Variants in NALF1 observed in about 807,000 individuals in gnomAD.
NALF1 encodes the protein NALCN channel auxiliary factor 1.
In NALF1, 3 loss-of-function variants were observed where a neutral mutation model predicts 48.4. The ratio of observed to expected loss-of-function variants is 0.06; its 90% CI spans 0.03 to 0.16. The LOEUF (loss-of-function observed/expected upper bound fraction) is 0.16. Among genes scored for constraint, NALF1 ranks in the 10% least tolerant of loss-of-function variants. The pLI, the probability that NALF1 is intolerant of heterozygous loss-of-function variation, is 1.00. For synonymous variants in NALF1, 262 were observed against 245.7 expected (o/e 1.07, Z -0.62); for missense variants, 526 against 571.5 (o/e 0.92, Z 0.81).
intron 1 of NALF1, among the ~76,000 whole-genome samples, chr13:107,656,876 C>T (rs941398151): frequency 1.6e-4 from 25 of 152,214 alleles, no homozygotes; most frequent in African/African-American, 6.0e-4. Context: ...GAATCGGAGA[C>T]TACTATTCTA....
intron 1 of NALF1, among the ~76,000 whole-genome samples, chr13:107,780,475 G>A (rs1877856892): frequency 6.6e-6 from 1 of 151,802 alleles, no homozygotes; most frequent in Admixed American, 6.6e-5. Context: ...AGTACCCAAT[G>A]AGACAACGTA....
rs578025631 is a variant in NALF1, at chr13:107,846,130, T to C, written c.915+19552A>G. On this transcript the variant is annotated intron_variant, in intron 1 of 2. Transcript: ENST00000375915. ...ACATTCCAGGTCCCTCCCTGCTCCA[T>C]TGAACACAGGAGTGGTGACTTGACT... 3.9e-5 allele frequency among the ~76,000 whole-genome samples: 6 copies of C among 152,240 alleles called. No individual in the cohort carries two copies. In the South Asian group the frequency reaches 8.3e-4, roughly 21 times the overall value.
chr13:107,529,040 T>C (rs1231712622), intron 1 of NALF1, among the ~76,000 whole-genome samples: 1 of 152,130 alleles, frequency 6.6e-6, no homozygotes, highest in East Asian at 1.9e-4. Context: ...TTTTCTACAG[T>C]GTTACTCAGT....
chr13:107,179,288 G>A (rs1368287780), intron 2 of NALF1, among the ~76,000 whole-genome samples: 1 of 152,100 alleles, frequency 6.6e-6, no homozygotes, highest in Non-Finnish European at 1.5e-5. Context: ...GTATGTTCTC[G>A]CCTACTTGTG....
intron 1 of NALF1, among the ~76,000 whole-genome samples, chr13:107,321,952 A>T (rs1882263773): frequency 6.6e-6 from 1 of 152,110 alleles, no homozygotes; most frequent in South Asian, 2.1e-4. Context: ...CTATTAATGG[A>T]GCCTTAACCC....
chr13:107,315,882 T>C (rs1164940524), intron 1 of NALF1, among the ~76,000 whole-genome samples: 1 of 149,722 alleles, frequency 6.7e-6, no homozygotes, highest in African/African-American at 2.4e-5. Flanking sequence ...TCTTATTTTT[T>C]ATAGATATAT....
At chr13:107,327,396 A>T (rs1882384129) in intron 1 of NALF1, among the ~76,000 whole-genome samples, 1 of 152,204 alleles carries the variant, frequency 6.6e-6, no homozygotes, top group Non-Finnish European at 1.5e-5. Context: ...TTCAAGAGAG[A>T]TCATTTTATA....
chr13:107,808,161 G>A (rs955000646), intron 1 of NALF1, among the ~76,000 whole-genome samples: 12 of 152,174 alleles, frequency 7.9e-5, no homozygotes, highest in African/African-American at 2.6e-4. Context: ...TGCACTCACA[G>A]AAGTATATAT....
chr13:107,643,144 G>A (rs1007183377), intron 1 of NALF1, among the ~76,000 whole-genome samples: 14 of 152,124 alleles, frequency 9.2e-5, no homozygotes, highest in Admixed American at 2.0e-4. Flanking sequence ...GACAGAGTCC[G>A]CCATGGGTTA....
At chr13:107,678,193 A>G (rs4485215) in intron 1 of NALF1, among the ~76,000 whole-genome samples, 84,450 of 151,898 alleles carry the variant, frequency 0.56, 24,260 homozygotes, top group African/African-American at 0.7. Context: ...TGCACTTTAC[A>G]AGCTTTCTTT....
intron 1 of NALF1, among the ~76,000 whole-genome samples, chr13:107,576,578 C>G (rs1878155725): frequency 6.6e-6 from 1 of 152,140 alleles, no homozygotes; most frequent in Admixed American, 6.6e-5. Flanking sequence ...AGACTACATA[C>G]AGAGTCTTGC....
chr13:107,403,599 T>G (rs759899591), intron 1 of NALF1, among the ~76,000 whole-genome samples: 1 of 152,030 alleles, frequency 6.6e-6, no homozygotes, highest in African/African-American at 2.4e-5. Context: ...ATGATACTTA[T>G]GCAAGTTGTT....
At chr13:107,562,041 G>A (rs1408128652) in intron 1 of NALF1, among the ~76,000 whole-genome samples, 1 of 152,288 alleles carries the variant, frequency 6.6e-6, no homozygotes, top group Middle Eastern at 3.4e-3. Context: ...TATTCCTAAT[G>A]TATAACAATG....
intron 2 of NALF1, among the ~76,000 whole-genome samples, chr13:107,187,871 G>C (rs1879209192): frequency 6.6e-6 from 1 of 152,030 alleles, no homozygotes; most frequent in African/African-American, 2.4e-5. Flanking sequence ...ATTTTTTAAA[G>C]TATCAATTCA....
chr13:107,389,548 A>G (rs1883586550), intron 1 of NALF1, among the ~76,000 whole-genome samples: 1 of 152,146 alleles, frequency 6.6e-6, no homozygotes, highest in African/African-American at 2.4e-5. Context: ...GGCCTCCAGA[A>G]ATTTGAGACA....
chr13:107,387,917 C>A (rs1321515082), intron 1 of NALF1, among the ~76,000 whole-genome samples: 1 of 152,108 alleles, frequency 6.6e-6, no homozygotes, highest in African/African-American at 2.4e-5. Flanking sequence ...CTCCTTTTTG[C>A]TTTTCTTTCT....
intron 1 of NALF1, among the ~76,000 whole-genome samples, chr13:107,586,301 A>G (rs924009988): frequency 6.6e-6 from 1 of 152,086 alleles, no homozygotes; most frequent in Non-Finnish European, 1.5e-5. Flanking sequence ...GATGGTTAGT[A>G]AAAGACGAAA....
At chr13:107,292,240 GA>G (rs1366451734) in intron 1 of NALF1, among the ~76,000 whole-genome samples, 1 of 152,012 alleles carries the variant, frequency 6.6e-6, no homozygotes, top group East Asian at 1.9e-4. Context: ...ATAAAAAATA[GA>G]AAAAAAACTG....
chr13:107,378,701 T>C (rs1257082708), intron 1 of NALF1, among the ~76,000 whole-genome samples: 1 of 152,206 alleles, frequency 6.6e-6, no homozygotes, highest in Non-Finnish European at 1.5e-5. Context: ...TATTTTGAGA[T>C]ATTGAATATG....
Sources: gnomAD v4.1 joint callset for allele counts (sites outside exome capture counted in the v4.1 genomes callset) on GRCh38, gnomAD v4.1.1 for gene constraint, MANE v1.5 for transcripts, NCBI Gene and HGNC (gene_info 2026-07-23, HGNC 2026-07-21) for gene names.